DNAH2: variants seen among roughly 807,000 people sequenced by gnomAD.
DNAH2 encodes the protein dynein axonemal heavy chain 2.
DNAH2 carries 323 observed loss-of-function variants against 523.5 expected under a neutral mutation model. The observed-to-expected ratio is 0.62, with a 90% CI of 0.56 to 0.68. The LOEUF (loss-of-function observed/expected upper bound fraction) is 0.68, where lower values mean the gene tolerates loss of function less well. Among genes scored for constraint, DNAH2 ranks in the 30% least tolerant of loss-of-function variants. DNAH2 has a pLI of 0.00. For missense variants in DNAH2, 4,907 were observed against 5,701.5 expected (o/e 0.86, Z 4.49); for synonymous variants, 2,093 against 2,177.4 (o/e 0.96, Z 1.08).
chr17:7,810,995 A>C (rs986243452), intron 63 of DNAH2, among the ~76,000 whole-genome samples: 2 of 152,234 alleles, frequency 1.3e-5, no homozygotes, highest in Non-Finnish European at 2.9e-5. Context: ...GGGCCCCAGA[A>C]GGCTCTGAAA....
At chr17:7,806,658 CAAAAAAA>C (rs66460228) in intron 61 of DNAH2, among the ~76,000 whole-genome samples, 3 of 60,568 alleles carry the variant, frequency 5.0e-5, no homozygotes, top group African/African-American at 6.4e-5. Context: ...CACTCCATCT[CAAAAAAA>C]AAAAAAAAAA....
At position 7,831,868 on chromosome 17, in the gene DNAH2, CA is replaced by C; in HGVS notation, c.12726+96del. 1 of 1,171,392 alleles carries C rather than the reference CA, an allele frequency of 8.5e-7. No homozygotes were observed. Among genetic ancestry groups the C allele is most frequent in the Non-Finnish European group, 1.2e-6 (1 of 830,276 alleles). The allele number at this position is 1,171,392 out of a possible 1,614,324, so 72.6% of individuals were successfully genotyped here. A position where few individuals can be genotyped will look rare whatever the true frequency, so the allele number is the denominator to read the frequency against. ...CTCCTGGTTCTAGGTGGGCATAAAG[CA>C]AACTGCAGAGAGCCGAAACTTTGAA... On this transcript the variant is annotated intron_variant, in intron 82 of 85. Transcript: ENST00000572933. The surrounding 1 kb of genome is among the most constrained non-coding windows in gnomAD (Gnocchi z 4.2).
In DNAH2 at chr17:7,824,265, C is replaced by T. The variant is rs1038175256; in HGVS notation, c.11623C>T (p.Pro3875Ser). The T allele has an allele frequency of 3.2e-6, 5 of 1,551,146 alleles. No individual in the cohort carries two copies. Among genetic ancestry groups the T allele is most frequent in the Non-Finnish European group, 4.3e-6 (5 of 1,153,588 alleles). Residue 3875 changes from proline (P) to serine (S), a missense_variant, in exon 76 of 86, where the codon CCC (proline) becomes TCC (serine). Physicochemically the swap from Pro to Ser is moderately conservative, Grantham distance 74. Transcript: ENST00000572933. Reference sequence around the variant, plus strand: ...CCTGTCCCTGGGCCAGGGCCAGGCCCCCATCGCTGCTCGGCTCCTCCGAGA... The same window carrying T: ...CCTGTCCCTGGGCCAGGGCCAGGCCTCCATCGCTGCTCGGCTCCTCCGAGA... Reference protein sequence around the residue: ...HALSLGQGQAPIAARLLREGV... With the variant: ...HALSLGQGQASIAARLLREGV...
chr17:7,763,150 A>G (rs1254722243), intron 18 of DNAH2, among the ~76,000 whole-genome samples: 2 of 148,532 alleles, frequency 1.3e-5, no homozygotes, highest in East Asian at 4.0e-4. Context: ...TAATTTTTGT[A>G]TATTTATTTA....
Position 7,719,816 on chromosome 17 carries a change from G to A in DNAH2, c.82G>A (p.Ala28Thr). The A allele has an allele frequency of 6.2e-7, 1 of 1,612,742 alleles. No individual in the cohort carries two copies. The stretch of plus-strand genomic sequence containing the variant: ...AAGCTGGTCAGGGCGGGCCACTCGG[G>A]CTGCTGTGGCCACACAGGAGCAGGG... Reference protein sequence around the residue: ...QASWSGRATRAAVATQEQGNA... With the variant: ...QASWSGRATRTAVATQEQGNA... The change falls in exon 2 of 86, where the codon GCT becomes ACT. Residue 28 changes from alanine to threonine, a missense_variant. By Grantham distance (58) the Ala-to-Thr change is moderately conservative. This residue lies in a region of DNAH2 where 2,806 missense variants were observed against 3,190.8 expected (regional missense o/e 0.88). Coordinates refer to ENST00000572933, the MANE Select transcript of DNAH2 (RefSeq NM_020877.5).
chr17:7,786,457 G>A lies in DNAH2; in HGVS notation c.6349-113G>A. 6.8e-7 allele frequency: 1 copy of A among 1,471,734 alleles called. No homozygotes were observed. The highest frequency in any genetic ancestry group is 9.3e-7 in the Non-Finnish European group (1 of 1,075,372). 91.2% of individuals were successfully genotyped at this position (1,471,734 alleles called of 1,614,324 possible). On this transcript the variant is annotated intron_variant, in intron 40 of 85. Transcript: ENST00000572933. This position sits in a 1 kb window ranked among gnomAD's most constrained non-coding sequence, Gnocchi z 7.5. ...CCGGGAGAGCTGTACCTGGGACCATGGTGGCCTGGAGCGATGAGAGAAGGG... is the reference window on the plus strand; with the variant it reads ...CCGGGAGAGCTGTACCTGGGACCATAGTGGCCTGGAGCGATGAGAGAAGGG...
At position 7,830,767 on chromosome 17, in the gene DNAH2, A is replaced by C. The variant is rs2078150112; in HGVS notation, c.12155A>C (p.Asp4052Ala). Residue 4052 changes from aspartate (D) to alanine (A), a missense_variant, in exon 79 of 86, where the codon GAC (aspartate) becomes GCC (alanine). Physicochemically the swap from Asp to Ala is moderately radical, Grantham distance 126. Transcript: ENST00000572933. ...GINYGGHVTD[D>A]WDRRLLTTYI... ...AACTATGGTGGACATGTCACAGATG[A>C]CTGGGACCGGCGCCTGCTGACCACC... The C allele has an allele frequency of 6.2e-7, 1 of 1,614,014 alleles. No individual in the cohort carries two copies. Among genetic ancestry groups the C allele is most frequent in the Admixed American group, 1.7e-5 (1 of 60,002 alleles).
At chr17:7,737,003 G>A (rs1567616108) in intron 7 of DNAH2, 64 bp from the exon 8 acceptor site, 5 of 1,315,636 alleles carry the variant, frequency 3.8e-6, no homozygotes. Context: ...ATAAATAAAA[G>A]CACTTGTGTT....
intron 2 of DNAH2, among the ~76,000 whole-genome samples, chr17:7,720,299 A>G (rs1037862123): frequency 2.6e-5 from 4 of 152,192 alleles, no homozygotes; most frequent in South Asian, 2.1e-4. Context: ...GCCCATCACC[A>G]TGGAGACTCA....
intron 22 of DNAH2, among the ~76,000 whole-genome samples, chr17:7,767,075 G>A (rs1446580496): frequency 7.2e-6 from 1 of 138,954 alleles, no homozygotes; most frequent in Non-Finnish European, 1.5e-5. Context: ...TGCATCCCCC[G>A]TCCCCCGCCC....
chr17:7,731,681 A>G (rs971009208), intron 4 of DNAH2, among the ~76,000 whole-genome samples: 6 of 152,132 alleles, frequency 3.9e-5, no homozygotes, highest in African/African-American at 1.4e-4. Context: ...TGTTTCAATT[A>G]TTTATATTTA....
rs2075792890 is a variant in DNAH2 at position 7,754,897 on chromosome 17, C to T, written c.1905-2194C>T. Reference sequence around the variant, plus strand: ...GTGAGGACAGAAGGACAGGTGCCACCCACCCCGGGCTGCCGTCTGCATGGG... The same window carrying T: ...GTGAGGACAGAAGGACAGGTGCCACTCACCCCGGGCTGCCGTCTGCATGGG... On this transcript the variant is annotated intron_variant, in intron 12 of 85. Transcript: ENST00000572933. The surrounding 1 kb of genome is among the most constrained non-coding windows in gnomAD (Gnocchi z 4.6). The T allele has an allele frequency of 1.7e-6, 1 of 584,844 alleles. No homozygotes were observed. Among genetic ancestry groups the T allele is most frequent in the Non-Finnish European group, 3.0e-6 (1 of 328,646 alleles). 36.2% of individuals were successfully genotyped at this position (584,844 alleles called of 1,614,324 possible).
intron 11 of DNAH2, among the ~76,000 whole-genome samples, chr17:7,741,897 A>T (rs1301782209): frequency 1.4e-5 from 2 of 140,802 alleles, no homozygotes; most frequent in African/African-American, 5.3e-5. Flanking sequence ...TCCCGACCTC[A>T]GGTGATCCAC....
chr17:7,740,649 T>C lies in DNAH2; in HGVS notation c.1506+100T>C, dbSNP rs113464315. The C allele has an allele frequency of 5.8e-6, 9 of 1,556,342 alleles. No homozygotes were observed. The African/African-American group carries it at 6.8e-5, about 12-fold the overall frequency. On this transcript the variant is annotated intron_variant, in intron 10 of 85. Coordinates refer to ENST00000572933, the MANE Select transcript of DNAH2 (RefSeq NM_020877.5). ...CTGCCTCCACGTGTGCCCTTCTCCA[T>C]GTCCAGCATTCGGGCGCCTCTTGTC...
In DNAH2 at chr17:7,833,381, A is replaced by C; in HGVS notation, c.13132A>C (p.Met4378Leu). 9 of 1,613,928 alleles carry C rather than the reference A, an allele frequency of 5.6e-6. No homozygotes were observed. The highest frequency in any genetic ancestry group is 7.6e-6 in the Non-Finnish European group (9 of 1,179,998). The change falls in exon 86 of 86, where the codon ATG becomes CTG. Residue 4378 changes from methionine to leucine, a missense_variant and splice_region_variant. Met to Leu is a conservative substitution (Grantham distance 15, BLOSUM62 2). This residue lies in a region of DNAH2 where 1,851 missense variants were observed against 2,139.4 expected (regional missense o/e 0.87). Transcript: ENST00000572933. The stretch of plus-strand genomic sequence containing the variant: ...ACTTCTCCTCTCCTTTCCCCCAGGC[A>C]TGTACTCCTGCCCCTGCTATTACTA... ...AESRKKSAKG[M>L]YSCPCYYYPN...
intron 24 of DNAH2, among the ~76,000 whole-genome samples, chr17:7,769,010 G>A (rs1023028204): frequency 1.3e-5 from 2 of 152,116 alleles, no homozygotes; most frequent in South Asian, 4.2e-4. Flanking sequence ...GCGAACATGT[G>A]GCGCAGACAC....
rs546851369 is a variant in DNAH2, at chr17:7,726,492, A to G, written c.229-630A>G. Among the ~76,000 whole-genome samples, 36 of 145,836 alleles carry G rather than the reference A, an allele frequency of 2.5e-4. No homozygotes were observed. The South Asian group carries it at 5.7e-3, about 23-fold the overall frequency. On this transcript the variant is annotated intron_variant, in intron 3 of 85. Coordinates refer to ENST00000572933, the MANE Select transcript of DNAH2 (RefSeq NM_020877.5). ...CTAATTTTGTATTTTTAGTAGAGAC[A>G]AGGTTTCTCCATGTTGGTCAGGCTG...
At chr17:7,774,599 C>T (rs989922779) in intron 28 of DNAH2, among the ~76,000 whole-genome samples, 160 bp from the exon 29 acceptor site, 2 of 152,148 alleles carry the variant, frequency 1.3e-5, no homozygotes, top group African/African-American at 4.8e-5. Flanking sequence ...ATGGGTTGAG[C>T]ATGTTAGACA....
chr17:7,769,001 C>T (rs1015995453), intron 24 of DNAH2, among the ~76,000 whole-genome samples: 25 of 152,234 alleles, frequency 1.6e-4, no homozygotes, highest in African/African-American at 4.6e-4. Context: ...TAGTGCTCAG[C>T]GAACATGTGG....
Sources: gnomAD v4.1 joint callset for allele counts (sites outside exome capture counted in the v4.1 genomes callset) on GRCh38, gnomAD v4.1.1 for gene constraint, gnomAD v4.1.1 regional missense constraint, Gnocchi (gnomAD v3.1) non-coding constraint, MANE v1.5 for transcripts, NCBI Gene and HGNC (gene_info 2026-07-23, HGNC 2026-07-21) for gene names.